The following BRMS1L variants were observed in gnomAD, a reference collection of about 807,000 sequenced individuals.
BRMS1L encodes the protein BRMS1 like transcriptional repressor, also known as breast cancer metastasis-suppressor 1-like protein.
In BRMS1L, 23 loss-of-function variants were observed where a neutral mutation model predicts 50.3. The observed-to-expected ratio is 0.46, with a 90% CI of 0.33 to 0.65. BRMS1L has a LOEUF of 0.65. Among genes scored for constraint, BRMS1L ranks in the 30% least tolerant of loss-of-function variants. BRMS1L has a pLI of 0.02. For synonymous variants in BRMS1L, 114 were observed against 126.9 expected, an observed-to-expected ratio of 0.90 and a Z score of 0.69; for missense variants, 286 against 386.1, an observed-to-expected ratio of 0.74 and a Z score of 2.17.
At chr14:35,847,574 T>G (rs556512801) in intron 4 of BRMS1L, among the ~76,000 whole-genome samples, 1 of 152,206 alleles carries the variant, frequency 6.6e-6, no homozygotes, top group Non-Finnish European at 1.5e-5. Context: ...AATAGTAAAG[T>G]CATTCACCAT....
chr14:35,865,286 C>T (rs1378393515), intron 7 of BRMS1L, among the ~76,000 whole-genome samples: 1 of 152,148 alleles, frequency 6.6e-6, no homozygotes, highest in African/African-American at 2.4e-5. Context: ...ATAATAACAT[C>T]ACCATCTGTG....
At chr14:35,826,765 G>A (rs1417644880) in intron 1 of BRMS1L, 107 bp downstream of exon 1, 10 of 1,478,540 alleles carry the variant, frequency 6.8e-6, no homozygotes, top group Non-Finnish European at 9.0e-6. Flanking sequence ...GGCGGGGACA[G>A]AGGGAAGGGG....
At chr14:35,870,079 G>A (rs1246166591) in intron 9 of BRMS1L, among the ~76,000 whole-genome samples, 2 of 149,510 alleles carry the variant, frequency 1.3e-5, no homozygotes, top group Non-Finnish European at 3.0e-5. Flanking sequence ...TTTTTAAAGA[G>A]GTGGGGTGGG....
rs1401374315 is a variant in BRMS1L, at chr14:35,826,500, G to C, written c.-17G>C. On this transcript the variant is annotated 5_prime_UTR_variant, in exon 1 of 10. Transcript: ENST00000216807. The stretch of plus-strand genomic sequence containing the variant: ...GGGCTGGGCGCCGGTAGTGGAAAGC[G>C]ACGGCGCGGCTGGAAAATGCCAGTC... 7.0e-6 allele frequency: 11 copies of C among 1,569,644 alleles called. No individual in the cohort carries two copies. The highest frequency in any genetic ancestry group is 2.3e-5 in the South Asian group (2 of 85,712).
In BRMS1L at chr14:35,867,890, G is replaced by A. The variant is rs766647073; in HGVS notation, c.728-16G>A. On this transcript the variant is annotated splice_polypyrimidine_tract_variant and intron_variant, in intron 8 of 9. Transcript: ENST00000216807. ...GTGTTTTATTAATATAACAGTTTTT[G>A]AACTGATCCCTTTAGCACCTGTGAA... 1 of 1,564,432 alleles carries A rather than the reference G, an allele frequency of 6.4e-7. No homozygotes were observed. Among genetic ancestry groups the A allele is most frequent in the Non-Finnish European group, 8.6e-7 (1 of 1,163,840 alleles).
chr14:35,865,316 C>T (rs2078407205), intron 7 of BRMS1L, among the ~76,000 whole-genome samples: 1 of 152,180 alleles, frequency 6.6e-6, no homozygotes, highest in Non-Finnish European at 1.5e-5. Flanking sequence ...TTGGCTGGTC[C>T]TGGCTTATAG....
intron 1 of BRMS1L, among the ~76,000 whole-genome samples, chr14:35,830,719 CA>C (rs2077908223): frequency 6.6e-6 from 1 of 152,090 alleles, no homozygotes; most frequent in African/African-American, 2.4e-5. Context: ...AGAAGAATCC[CA>C]AAAATGTTTT....
intron 8 of BRMS1L, among the ~76,000 whole-genome samples, chr14:35,866,994 G>A (rs1476160990): frequency 6.6e-6 from 1 of 152,100 alleles, no homozygotes; most frequent in Admixed American, 6.6e-5. Context: ...TGACTGGATT[G>A]TAAGCTCCAC....
At chr14:35,858,224 T>G (rs1958075) in intron 4 of BRMS1L, among the ~76,000 whole-genome samples, 30,077 of 152,114 alleles carry the variant, frequency 0.2, 3,141 homozygotes, top group East Asian at 0.37. Context: ...GCGATCAAAC[T>G]TATCAGATAA....
intron 4 of BRMS1L, among the ~76,000 whole-genome samples, chr14:35,850,614 A>G (rs1255306163): frequency 6.6e-6 from 1 of 152,182 alleles, no homozygotes; most frequent in Non-Finnish European, 1.5e-5. Flanking sequence ...CATATCAAAG[A>G]AAGCAGTGCC....
chr14:35,831,019 C>T (rs565923465), intron 1 of BRMS1L, among the ~76,000 whole-genome samples: 228 of 150,252 alleles, frequency 1.5e-3, no homozygotes, highest in Non-Finnish European at 2.2e-3. Flanking sequence ...TGGCTTACTG[C>T]AGCCTCCAAC....
chr14:35,837,252 G>A (rs1454521343), intron 4 of BRMS1L, among the ~76,000 whole-genome samples: 2 of 150,740 alleles, frequency 1.3e-5, no homozygotes, highest in East Asian at 3.9e-4. Flanking sequence ...CAAAACTCCG[G>A]CTCAAAAAAA....
At chr14:35,863,487 G>A (rs549262550) in intron 5 of BRMS1L, among the ~76,000 whole-genome samples, 1 of 152,276 alleles carries the variant, frequency 6.6e-6, no homozygotes, top group East Asian at 1.9e-4. Context: ...TACTAGTCTG[G>A]TGACCATGGA....
chr14:35,870,624 A>G lies in BRMS1L; in HGVS notation c.*147A>G. The G allele has an allele frequency of 2.2e-6, 1 of 460,790 alleles. No homozygotes were observed. The highest frequency in any genetic ancestry group is 4.0e-6 in the Non-Finnish European group (1 of 251,712). 28.5% of individuals were successfully genotyped at this position (460,790 alleles called of 1,614,324 possible). A position where few individuals can be genotyped will look rare whatever the true frequency, so the allele number is the denominator to read the frequency against. ...GTAGGTAGTACTCTAAATAGATCTC[A>G]TTGATATGTTATTAAAAGAAACAGT... On this transcript the variant is annotated 3_prime_UTR_variant, in exon 10 of 10. Coordinates refer to ENST00000216807, the MANE Select transcript of BRMS1L (RefSeq NM_032352.4).
rs191564140 is a variant in BRMS1L at position 35,867,618 on chromosome 14, C to T, written c.728-288C>T. On this transcript the variant is annotated intron_variant, in intron 8 of 9. Transcript: ENST00000216807. Reference sequence around the variant, plus strand: ...TATTTTAAATACTACTTAAAATTCACACTAGTAATTGATAACATACCTGCT... The same window carrying T: ...TATTTTAAATACTACTTAAAATTCATACTAGTAATTGATAACATACCTGCT... Among the ~76,000 whole-genome samples, 168 of 152,266 alleles carry T rather than the reference C, an allele frequency of 1.1e-3. 1 individual carries two copies. Among genetic ancestry groups the T allele is most frequent in the Admixed American group, 1.7e-3 (26 of 15,278 alleles).
At chr14:35,828,282 CCTG>C (rs1173783197) in intron 1 of BRMS1L, among the ~76,000 whole-genome samples, 1 of 151,498 alleles carries the variant, frequency 6.6e-6, no homozygotes, top group Non-Finnish European at 1.5e-5. Context: ...AAGCAATTCT[CCTG>C]CCTTAGCCTC....
At chr14:35,827,875 T>G (rs2077865179) in intron 1 of BRMS1L, among the ~76,000 whole-genome samples, 1 of 152,010 alleles carries the variant, frequency 6.6e-6, no homozygotes, top group African/African-American at 2.4e-5. Context: ...TTTGGGGTGG[T>G]GGGTATCCCT....
At chr14:35,834,394 C>T (rs2077965455) in intron 3 of BRMS1L, among the ~76,000 whole-genome samples, 1 of 151,856 alleles carries the variant, frequency 6.6e-6, no homozygotes, top group Non-Finnish European at 1.5e-5. Flanking sequence ...CTCGTGGATT[C>T]TTTGGATTGA....
chr14:35,853,623 G>A (rs768594505), intron 4 of BRMS1L, among the ~76,000 whole-genome samples: 16 of 151,180 alleles, frequency 1.1e-4, no homozygotes, highest in Middle Eastern at 3.2e-3. Context: ...GCACAGTCTC[G>A]CTATGTTGCC....
Sources: allele counts gnomAD v4.1 joint callset (sites outside exome capture counted in the v4.1 genomes callset), GRCh38; gene constraint gnomAD v4.1.1; transcripts MANE v1.5; gene names NCBI Gene and HGNC (gene_info 2026-07-23, HGNC 2026-07-21).